Variants in FAM171A1 observed in about 807,000 individuals in gnomAD.
The protein encoded by FAM171A1 is protein FAM171A1.
Under a neutral mutation model 74.9 loss-of-function variants are expected in FAM171A1, and 23 were observed. The ratio of observed to expected loss-of-function variants is 0.31; its 90% CI spans 0.22 to 0.44. The LOEUF is 0.44. Among genes scored for constraint, FAM171A1 ranks in the 20% least tolerant of loss-of-function variants. FAM171A1 has a pLI of 1.00. For missense variants in FAM171A1, 1,162 were observed against 1,159.2 expected, an observed-to-expected ratio of 1.00 and a Z score of -0.03; for synonymous variants, 527 against 505.7, an observed-to-expected ratio of 1.04 and a Z score of -0.57.
intron 6 of FAM171A1, among the ~76,000 whole-genome samples, chr10:15,217,438 G>A (rs1228299319): frequency 6.6e-6 from 1 of 151,878 alleles, no homozygotes; most frequent in Non-Finnish European, 1.5e-5. Context: ...TCTTCTTAAG[G>A]GGACAAATCT....
At chr10:15,215,506 T>C (rs867920723) in intron 7 of FAM171A1, among the ~76,000 whole-genome samples, 1 of 152,046 alleles carries the variant, frequency 6.6e-6, no homozygotes, top group Non-Finnish European at 1.5e-5. Context: ...GCTGGGATTA[T>C]AGGCGTGTGC....
intron 3 of FAM171A1, among the ~76,000 whole-genome samples, chr10:15,273,920 C>T (rs61842662): frequency 3.6e-4 from 54 of 152,082 alleles, no homozygotes; most frequent in African/African-American, 1.2e-3. Flanking sequence ...AAATCCACAG[C>T]GAATATCACA....
chr10:15,221,019 C>T lies in FAM171A1; in HGVS notation c.796G>A (p.Gly266Ser), dbSNP rs989345126. 1 of 1,614,210 alleles carries T rather than the reference C, an allele frequency of 6.2e-7. No homozygotes were observed. The highest frequency in any genetic ancestry group is 8.5e-7 in the Non-Finnish European group (1 of 1,180,034). The change falls in exon 6 of 8, where the codon GGC becomes AGC. Residue 266 changes from glycine to serine, a missense_variant. Gly to Ser is a moderately conservative substitution (Grantham distance 56). Coordinates refer to ENST00000378116, the MANE Select transcript of FAM171A1 (RefSeq NM_001010924.2). ...KSGLGLVHQE[G>S]SQLTWTYIAP... is the part of the protein sequence containing the mutation. Reference sequence around the variant, plus strand: ...ATGTATGTCCACGTCAGCTGGCTGCCTTCCTGGTGCACAAGACCCAGACCG... The same window carrying T: ...ATGTATGTCCACGTCAGCTGGCTGCTTTCCTGGTGCACAAGACCCAGACCG...
In FAM171A1 at chr10:15,214,260, G is replaced by C. The variant is rs757832880; in HGVS notation, c.1328C>G (p.Ser443Cys). ...CCCACTTGGAGTGAGGTTATCAAAG[G>C]AGATCTGGCTTTTATCCTCTTCCTT... ...SCKEEDKSQI[S>C]FDNLTPSGTL... is the part of the protein sequence containing the mutation. The change falls in exon 8 of 8, where the codon TCC (serine) becomes TGC (cysteine). Residue 443 changes from serine to cysteine, a missense_variant. Coordinates refer to ENST00000378116, the MANE Select transcript of FAM171A1 (RefSeq NM_001010924.2). 14 of 1,614,100 alleles carry C rather than the reference G, an allele frequency of 8.7e-6. No individual in the cohort carries two copies. Among genetic ancestry groups the C allele is most frequent in the Non-Finnish European group, 1.2e-5 (14 of 1,180,022 alleles).
chr10:15,320,243 T>G (rs986728163), intron 1 of FAM171A1, among the ~76,000 whole-genome samples: 3 of 152,224 alleles, frequency 2.0e-5, no homozygotes, highest in Admixed American at 2.0e-4. Flanking sequence ...GTTCCTGCAT[T>G]AATTCACTTA....
At chr10:15,332,911 G>C (rs1835657703) in intron 1 of FAM171A1, among the ~76,000 whole-genome samples, 1 of 120,716 alleles carries the variant, frequency 8.3e-6, no homozygotes, top group Non-Finnish European at 1.7e-5. Flanking sequence ...ATCTATTAAA[G>C]GGTGTTCAAG....
chr10:15,250,377 G>A (rs1411674056), intron 4 of FAM171A1, among the ~76,000 whole-genome samples: 1 of 152,230 alleles, frequency 6.6e-6, no homozygotes, highest in African/African-American at 2.4e-5. Context: ...AAATGTGCCA[G>A]CAGCTCAAAG....
intron 5 of FAM171A1, among the ~76,000 whole-genome samples, chr10:15,231,829 A>G (rs1834210704): frequency 6.6e-6 from 1 of 152,186 alleles, no homozygotes; most frequent in Admixed American, 6.5e-5. Flanking sequence ...TCATGCCAGC[A>G]ATCTCAGCAC....
chr10:15,229,825 T>A (rs111446626), intron 5 of FAM171A1, among the ~76,000 whole-genome samples: 3 of 4,594 alleles, frequency 6.5e-4, no homozygotes, highest in Admixed American at 2.6e-3. Context: ...ACCATCACCA[T>A]CATCATCATC....
intron 6 of FAM171A1, among the ~76,000 whole-genome samples, chr10:15,219,675 G>A (rs986809984): frequency 6.6e-6 from 1 of 152,122 alleles, no homozygotes; most frequent in East Asian, 1.9e-4. Flanking sequence ...TCTGCCTCCT[G>A]GGTTCAAGCG....
At chr10:15,348,678 T>C (rs1835844618) in intron 1 of FAM171A1, among the ~76,000 whole-genome samples, 1 of 152,156 alleles carries the variant, frequency 6.6e-6, no homozygotes, top group African/African-American at 2.4e-5. Context: ...TTGTTAACAG[T>C]ACAGCCTCTC....
chr10:15,307,319 G>T (rs756290552), intron 1 of FAM171A1, among the ~76,000 whole-genome samples: 56 of 152,072 alleles, frequency 3.7e-4, no homozygotes, highest in Non-Finnish European at 5.1e-4. Flanking sequence ...CCATACACAG[G>T]ATCAAATAGT....
rs945735161 is a variant in FAM171A1 at position 15,212,581 on chromosome 10, G to A, written c.*334C>T. ...AAAGTTTCATCTGTTCCCAGAATCC[G>A]AGGGAGAACTGAGGTGATCGTTAGA... On this transcript the variant is annotated 3_prime_UTR_variant, in exon 8 of 8. Coordinates refer to ENST00000378116, the MANE Select transcript of FAM171A1 (RefSeq NM_001010924.2). 1 of 296,026 alleles carries A rather than the reference G, an allele frequency of 3.4e-6. No individual in the cohort carries two copies. The highest frequency in any genetic ancestry group is 6.3e-6 in the Non-Finnish European group (1 of 159,702). The allele number at this position is 296,026 out of a possible 1,614,324, so 18.3% of individuals were successfully genotyped here.
chr10:15,349,220 G>T (rs1475631329), intron 1 of FAM171A1, among the ~76,000 whole-genome samples: 1 of 152,158 alleles, frequency 6.6e-6, no homozygotes, highest in Non-Finnish European at 1.5e-5. Flanking sequence ...TACAGAACAG[G>T]GCTAGAGGTA....
chr10:15,353,817 G>A (rs553763446), intron 1 of FAM171A1, among the ~76,000 whole-genome samples: 6 of 152,106 alleles, frequency 3.9e-5, no homozygotes, highest in African/African-American at 1.4e-4. Context: ...AGGCCCCAGG[G>A]GAGAAAAAAC....
At chr10:15,326,608 C>A (rs969112140) in intron 1 of FAM171A1, among the ~76,000 whole-genome samples, 1 of 151,410 alleles carries the variant, frequency 6.6e-6, no homozygotes, top group Non-Finnish European at 1.5e-5. Context: ...GCCACCACAC[C>A]CAGCTAGGTT....
upstream of FAM171A1, among the ~76,000 whole-genome samples, chr10:15,373,013 T>C (rs2131901325): frequency 6.6e-6 from 1 of 152,316 alleles, no homozygotes; most frequent in Admixed American, 6.5e-5. Context: ...GGGTTATTAC[T>C]GTAATTTCAT....
In FAM171A1 at chr10:15,310,901, T is replaced by A. The variant is rs1308427383; in HGVS notation, c.98-26796A>T. On this transcript the variant is annotated intron_variant, in intron 1 of 7. Transcript: ENST00000378116. Reference sequence around the variant, plus strand: ...GTCTCCTTCCCTTTCCATCTCTCTGTACCTGGAAGGCAGCTCTGTGGCAGG... The same window carrying A: ...GTCTCCTTCCCTTTCCATCTCTCTGAACCTGGAAGGCAGCTCTGTGGCAGG... Among the ~76,000 whole-genome samples the A allele has an allele frequency of 3.9e-5, 6 of 151,974 alleles. No homozygotes were observed. The East Asian group carries it at 1.2e-3, about 29-fold the overall frequency.
At chr10:15,282,125 G>C (rs1220400239) in intron 2 of FAM171A1, among the ~76,000 whole-genome samples, 1 of 151,976 alleles carries the variant, frequency 6.6e-6, no homozygotes, top group African/African-American at 2.4e-5. Context: ...GTGTCATCCC[G>C]GCTGGAGTGC....
Sources: gnomAD v4.1 joint callset for allele counts (sites outside exome capture counted in the v4.1 genomes callset) on GRCh38, gnomAD v4.1.1 for gene constraint, MANE v1.5 for transcripts, NCBI Gene and HGNC (gene_info 2026-07-23, HGNC 2026-07-21) for gene names.